Variants in ACAD11 observed in about 807,000 individuals in gnomAD.
ACAD11 encodes the protein acyl-CoA dehydrogenase family member 11.
In ACAD11, 83 loss-of-function variants were observed where a neutral mutation model predicts 102.2. That is an observed-to-expected ratio of 0.81 (90% CI 0.68 to 0.97). ACAD11 has a LOEUF of 0.97. Among genes scored for constraint, ACAD11 ranks in the 50% least tolerant of loss-of-function variants. The pLI is 0.00. For missense variants in ACAD11, 901 were observed against 951.7 expected, an observed-to-expected ratio of 0.95 and a Z score of 0.70; for synonymous variants, 324 against 319.8, an observed-to-expected ratio of 1.01 and a Z score of -0.14.
intron 17 of ACAD11, among the ~76,000 whole-genome samples, chr3:132,571,934 C>A (rs1312254879): frequency 6.6e-6 from 1 of 152,098 alleles, no homozygotes; most frequent in Non-Finnish European, 1.5e-5. Context: ...TAAGAGCCAT[C>A]TATGACAAAA....
At chr3:132,630,581 A>G (rs1939999296) in intron 6 of ACAD11, 23 bp from the exon 7 acceptor site, 1 of 1,581,758 alleles carries the variant, frequency 6.3e-7, no homozygotes, top group Non-Finnish European at 8.6e-7. Flanking sequence ...CATGTAATAT[A>G]AACTTTAATT....
At chr3:132,591,361 T>C (rs946712485) in intron 13 of ACAD11, among the ~76,000 whole-genome samples, 1 of 152,162 alleles carries the variant, frequency 6.6e-6, no homozygotes, top group Non-Finnish European at 1.5e-5. Flanking sequence ...CATTGGTCTA[T>C]GTGCCCATTT....
chr3:132,640,755 T>G lies in ACAD11; in HGVS notation c.538-1099A>C, dbSNP rs533111837. On this transcript the variant is annotated intron_variant, in intron 4 of 19. Coordinates refer to ENST00000264990, the MANE Select transcript of ACAD11 (RefSeq NM_032169.5). ...CTATATCTTAGAGTTGTTGTAAAGA[T>G]CAAAAAAGAGAGGCCGACAACTCAC... Among the ~76,000 whole-genome samples, 19 of 152,196 alleles carry G rather than the reference T, an allele frequency of 1.2e-4. No homozygotes were observed. The South Asian group carries it at 3.7e-3, about 30-fold the overall frequency.
intron 1 of ACAD11, among the ~76,000 whole-genome samples, chr3:132,649,264 T>C (rs773507054): frequency 1.3e-5 from 2 of 152,110 alleles, no homozygotes; most frequent in Non-Finnish European, 2.9e-5. Context: ...CCTCTTGCAG[T>C]GGAGATACAG....
intron 15 of ACAD11, 85 bp downstream of exon 15, chr3:132,578,711 C>T (rs190055952): frequency 1.4e-6 from 2 of 1,400,052 alleles, no homozygotes; most frequent in Admixed American, 3.9e-5. Flanking sequence ...CTATCTTATG[C>T]ATTAAAATGC....
chr3:132,652,124 C>T (rs1235707027), intron 1 of ACAD11, among the ~76,000 whole-genome samples: 1 of 152,094 alleles, frequency 6.6e-6, no homozygotes, highest in Non-Finnish European at 1.5e-5. Flanking sequence ...TCCCAATTCC[C>T]ATGTATCATG....
chr3:132,636,033 A>T (rs915070507), intron 5 of ACAD11, among the ~76,000 whole-genome samples: 21 of 152,250 alleles, frequency 1.4e-4, no homozygotes, highest in African/African-American at 4.8e-4. Flanking sequence ...TTCTTTTTTA[A>T]TACAATTGGG....
intron 17 of ACAD11, among the ~76,000 whole-genome samples, chr3:132,574,757 A>C (rs537470560): frequency 6.6e-6 from 1 of 152,342 alleles, no homozygotes; most frequent in East Asian, 1.9e-4. Flanking sequence ...GATGATGTGG[A>C]TATCCTACTT....
intron 13 of ACAD11, chr3:132,600,576 C>A (rs1460447907): frequency 6.2e-7 from 1 of 1,613,922 alleles, no homozygotes; most frequent in South Asian, 1.1e-5. Context: ...GCAGGCAATT[C>A]CATGGTAGTG....
rs745947590 is a variant in ACAD11, at chr3:132,630,464, T to C, written c.936A>G (p.Ser312=). The change falls in exon 7 of 20, where the codon TCA becomes TCG. Residue 312 remains serine (S), a synonymous_variant. Coordinates refer to ENST00000264990, the MANE Select transcript of ACAD11 (RefSeq NM_032169.5). ...GTGCTATTCCAGCCATCTTAAAATA[T>C]GAAAGGGCAAGAAAGAAATTCCAGT... The part of the protein sequence containing the change: ...LPNWNFFLAL[S]YFKMAGIAQG... The C allele has an allele frequency of 1.9e-6, 3 of 1,613,284 alleles. No homozygotes were observed. Among genetic ancestry groups the C allele is most frequent in the Non-Finnish European group, 2.5e-6 (3 of 1,179,688 alleles).
chr3:132,638,194 A>C (rs1399486001), intron 5 of ACAD11, among the ~76,000 whole-genome samples: 2 of 152,166 alleles, frequency 1.3e-5, no homozygotes, highest in African/African-American at 4.8e-5. Context: ...GTTTCATTTT[A>C]GCTGCCCAGC....
At chr3:132,578,731 C>T (rs1172572407) in intron 15 of ACAD11, 65 bp downstream of exon 15, 2 of 1,542,434 alleles carry the variant, frequency 1.3e-6, no homozygotes, top group African/African-American at 2.8e-5. Context: ...CTATTGCCTT[C>T]AATGTTACTG....
chr3:132,588,018 A>C (rs1412703562), intron 13 of ACAD11, among the ~76,000 whole-genome samples: 4 of 152,066 alleles, frequency 2.6e-5, no homozygotes, highest in African/African-American at 9.7e-5. Flanking sequence ...GTTCCTCAGG[A>C]CACAGAGATC....
In ACAD11 at chr3:132,561,347, G is replaced by A. The variant is rs531517906; in HGVS notation, c.2002-130C>T. 52 of 723,480 alleles carry A rather than the reference G, an allele frequency of 7.2e-5. 1 individual carries two copies. The South Asian group carries it at 7.5e-4, about 10-fold the overall frequency. The allele number at this position is 723,480 out of a possible 1,614,324, so 44.8% of individuals were successfully genotyped here. On this transcript the variant is annotated intron_variant, in intron 17 of 19. Coordinates refer to ENST00000264990, the MANE Select transcript of ACAD11 (RefSeq NM_032169.5). ...AGATTGTTCACAAGCTTTACTCTAT[G>A]TATTTTTAAATGGAAGAGTTAATTC...
In ACAD11 at chr3:132,576,992, C is replaced by G. The variant is rs1937533635; in HGVS notation, c.1798G>C (p.Glu600Gln). ...ACTCGCACTTGATTAAAATGGATCT[C>G]AAAATGTCCTCCATGAAAATTATCT... ...YTDNFHGGHF[E>Q]IHFNQVRVPA... is the part of the protein sequence containing the mutation. Residue 600 changes from glutamate to glutamine, a missense_variant, in exon 16 of 20, where the codon GAG (glutamate) becomes CAG (glutamine). Physicochemically the swap from Glu to Gln is conservative, Grantham distance 29. Transcript: ENST00000264990. 1.2e-6 allele frequency: 2 copies of G among 1,608,746 alleles called. No individual in the cohort carries two copies. The highest frequency in any genetic ancestry group is 4.5e-5 in the East Asian group (2 of 44,774).
intron 9 of ACAD11, among the ~76,000 whole-genome samples, chr3:132,621,445 A>C (rs1939604458): frequency 6.6e-6 from 1 of 152,218 alleles, no homozygotes; most frequent in East Asian, 1.9e-4. Context: ...GTCATTGTAA[A>C]ATTCTATATG....
chr3:132,641,466 C>A lies in ACAD11; in HGVS notation c.537+506G>T, dbSNP rs369879040. ...GGCTGAGGTAGGAGAATGGCGTGAA[C>A]CTGGGAGGTGGAGCTTGCAGTGAGC... On this transcript the variant is annotated intron_variant, in intron 4 of 19. Coordinates refer to ENST00000264990, the MANE Select transcript of ACAD11 (RefSeq NM_032169.5). Among the ~76,000 whole-genome samples, 6 of 152,008 alleles carry A rather than the reference C, an allele frequency of 3.9e-5. No homozygotes were observed. The East Asian group carries it at 7.7e-4, about 20-fold the overall frequency.
intron 11 of ACAD11, among the ~76,000 whole-genome samples, chr3:132,609,700 G>A (rs1939029303): frequency 6.6e-6 from 1 of 152,070 alleles, no homozygotes; most frequent in Non-Finnish European, 1.5e-5. Context: ...TCTACCAGAG[G>A]TACAAAGAGG....
intron 18 of ACAD11, 61 bp downstream of exon 18, chr3:132,561,040 C>T (rs1245535188): frequency 3.1e-6 from 4 of 1,293,444 alleles, no homozygotes; most frequent in Non-Finnish European, 4.5e-6. Flanking sequence ...AAATGTCCAA[C>T]AGGTGAGAGA....
Sources: allele counts gnomAD v4.1 joint callset (sites outside exome capture counted in the v4.1 genomes callset), GRCh38; gene constraint gnomAD v4.1.1; transcripts MANE v1.5; gene names NCBI Gene and HGNC (gene_info 2026-07-23, HGNC 2026-07-21).